ANXA8: variants seen among roughly 807,000 people sequenced by gnomAD.
ANXA8 encodes VAC-beta.
A neutral mutation model predicts 26.8 loss-of-function variants in ANXA8; 9 were observed. The observed-to-expected ratio is 0.34, with a 90% CI of 0.20 to 0.59. The LOEUF (loss-of-function observed/expected upper bound fraction) is 0.59, where lower values mean the gene tolerates loss of function less well. Among genes scored for constraint, ANXA8 ranks in the 20% least tolerant of loss-of-function variants. The pLI is 0.84. For missense variants in ANXA8, 83 were observed against 238.5 expected (o/e 0.35, Z 4.29); for synonymous variants, 39 against 94.8 (o/e 0.41, Z 3.42).
At chr10:47,659,553 G>A in the ANXA8 span, among the ~76,000 whole-genome samples, 1 of 151,274 alleles carries the variant, frequency 6.6e-6, no homozygotes, top group African/African-American at 2.5e-5. Flanking sequence ...GTGCATACCT[G>A]TAATCCCAGC....
the ANXA8 span, among the ~76,000 whole-genome samples, chr10:47,932,263 G>A: frequency 1.6e-4 from 24 of 151,222 alleles, no homozygotes; most frequent in South Asian, 2.9e-3. Flanking sequence ...TGCCTGTAAC[G>A]CTTTGTTGTG....
chr10:47,972,534 C>G, the ANXA8 span, among the ~76,000 whole-genome samples: 1 of 126,538 alleles, frequency 7.9e-6, no homozygotes, highest in Non-Finnish European at 1.7e-5. Flanking sequence ...AAGGATAAGT[C>G]GGATCTTCAA....
chr10:47,630,938 A>G, the ANXA8 span, among the ~76,000 whole-genome samples: 2 of 150,004 alleles, frequency 1.3e-5, no homozygotes, highest in African/African-American at 2.5e-5. Flanking sequence ...GAATTGCAAT[A>G]ATATGGAGAT....
At chr10:47,555,973 C>A in the ANXA8 span, among the ~76,000 whole-genome samples, 1 of 151,812 alleles carries the variant, frequency 6.6e-6, no homozygotes, top group African/African-American at 2.4e-5. Context: ...ACAGATAAAA[C>A]ATTTTGAAGA....
the ANXA8 span, among the ~76,000 whole-genome samples, chr10:47,688,511 T>A: frequency 6.6e-6 from 1 of 151,680 alleles, no homozygotes; most frequent in Admixed American, 6.5e-5. Context: ...AACCTCCTCC[T>A]CCTGGGTTCA....
chr10:47,966,835 ATC>A, the ANXA8 span, among the ~76,000 whole-genome samples: 1 of 109,100 alleles, frequency 9.2e-6, no homozygotes, highest in African/African-American at 3.2e-5. Context: ...GGCTGGGAAC[ATC>A]TCTCTTTTAT....
At chr10:47,579,190 A>G in the ANXA8 span, among the ~76,000 whole-genome samples, 1 of 118,208 alleles carries the variant, frequency 8.5e-6, no homozygotes, top group Non-Finnish European at 1.9e-5. Flanking sequence ...CCCAGGCTGG[A>G]GTGCAGTGGC....
At chr10:47,605,656 A>G in the ANXA8 span, among the ~76,000 whole-genome samples, 2 of 148,980 alleles carry the variant, frequency 1.3e-5, no homozygotes, top group African/African-American at 2.5e-5. Flanking sequence ...AAATATATCA[A>G]AGAGAAAGAA....
the ANXA8 span, among the ~76,000 whole-genome samples, chr10:47,953,436 C>T: frequency 1.3e-5 from 2 of 150,744 alleles, no homozygotes; most frequent in Non-Finnish European, 2.9e-5. Flanking sequence ...TTGTAAGAAT[C>T]GGGAGCAACT....
At chr10:47,676,481 T>G in the ANXA8 span, among the ~76,000 whole-genome samples, 2 of 151,770 alleles carry the variant, frequency 1.3e-5, no homozygotes, top group Non-Finnish European at 2.9e-5. Context: ...AAAGACACAT[T>G]AGTTATGTGA....
chr10:47,937,216 G>T, the ANXA8 span, among the ~76,000 whole-genome samples: 1 of 149,758 alleles, frequency 6.7e-6, no homozygotes, highest in African/African-American at 2.4e-5. Context: ...AGAGGTGCCT[G>T]GGCCCCACAG....
the ANXA8 span, among the ~76,000 whole-genome samples, chr10:47,655,501 TGATGGGCC>T: frequency 1.3e-5 from 2 of 149,780 alleles, no homozygotes; most frequent in African/African-American, 5.0e-5. Flanking sequence ...GTGTTTGAAG[TGATGGGCC>T]ATTGAGTCTA....
At chr10:47,495,457 TG>T in the ANXA8 span, among the ~76,000 whole-genome samples, 13 of 149,388 alleles carry the variant, frequency 8.7e-5, no homozygotes, top group East Asian at 2.7e-3. Flanking sequence ...TGCTAATTTT[TG>T]TATTTTTGGT....
the ANXA8 span, among the ~76,000 whole-genome samples, chr10:47,722,786 G>A: frequency 7.0e-6 from 1 of 142,606 alleles, no homozygotes; most frequent in Non-Finnish European, 1.5e-5. Flanking sequence ...GTGCGTTGGA[G>A]AGTGGATTAG....
the ANXA8 span, among the ~76,000 whole-genome samples, chr10:47,775,397 A>G: frequency 6.6e-6 from 1 of 150,754 alleles, no homozygotes; most frequent in East Asian, 2.0e-4. Context: ...ACAAAACAAA[A>G]CAGTAATGGC....
chr10:47,900,774 A>G, the ANXA8 span, among the ~76,000 whole-genome samples: 1 of 130,978 alleles, frequency 7.6e-6, no homozygotes, highest in Non-Finnish European at 1.6e-5. Context: ...GTTGAACCTA[A>G]TGAAAAATAT....
chr10:47,676,572 C>T, the ANXA8 span, among the ~76,000 whole-genome samples: 1 of 151,816 alleles, frequency 6.6e-6, no homozygotes, highest in African/African-American at 2.4e-5. Context: ...GTGGCACATG[C>T]TTGAACCCAG....
chr10:47,769,198 C>T, the ANXA8 span, among the ~76,000 whole-genome samples: 2 of 146,666 alleles, frequency 1.4e-5, no homozygotes, highest in East Asian at 2.0e-4. Flanking sequence ...GGTGAAGGAT[C>T]GAGGGTTCCT....
the ANXA8 span, among the ~76,000 whole-genome samples, chr10:47,688,168 AC>A: frequency 6.7e-6 from 1 of 148,468 alleles, no homozygotes; most frequent in Non-Finnish European, 1.5e-5. Context: ...ATCATGGCTC[AC>A]TGCAATGTCC....
Sources: gnomAD v4.1 joint callset for allele counts (sites outside exome capture counted in the v4.1 genomes callset) on GRCh38, gnomAD v4.1.1 for gene constraint, MANE v1.5 for transcripts, NCBI Gene and HGNC (gene_info 2026-07-23, HGNC 2026-07-21) for gene names.